Variants in UBR3 observed in about 807,000 individuals in gnomAD.
UBR3 encodes the protein E3 ubiquitin-protein ligase UBR3.
In UBR3, 85 loss-of-function variants were observed where a neutral mutation model predicts 243.2. That is an observed-to-expected ratio of 0.35 (90% CI 0.29 to 0.42). The LOEUF is 0.42. Ranked by LOEUF, UBR3 falls within the 10% of genes least tolerant of loss-of-function variation. UBR3 has a pLI of 1.00. For synonymous variants in UBR3, 748 were observed against 799.8 expected, an observed-to-expected ratio of 0.94 and a Z score of 1.09; for missense variants, 1,686 against 2,300.8, an observed-to-expected ratio of 0.73 and a Z score of 5.47.
intron 36 of UBR3, chr2:170,077,924 G>A (rs2091843794): frequency 3.8e-6 from 2 of 519,976 alleles, no homozygotes; most frequent in Non-Finnish European, 7.2e-6. Context: ...ATCTCCCTGG[G>A]CAAGTTACAT....
chr2:170,042,374 G>A (rs1033029821), intron 32 of UBR3, among the ~76,000 whole-genome samples: 9 of 152,028 alleles, frequency 5.9e-5, no homozygotes, highest in African/African-American at 1.9e-4. Context: ...TCAGTTGATG[G>A]ACATTTGGGT....
chr2:169,946,589 C>T lies in UBR3; in HGVS notation c.2910+197C>T, dbSNP rs370157107. Among the ~76,000 whole-genome samples, 35 of 151,962 alleles carry T rather than the reference C, an allele frequency of 2.3e-4. No individual in the cohort carries two copies. In the South Asian group the frequency reaches 7.3e-3, roughly 32 times the overall value. ...CTTTTAAAGAACTACTAGAAAAGGC[C>T]CTTTGGGATCTTCAAATACGTACAG... On this transcript the variant is annotated intron_variant, in intron 21 of 38. Coordinates refer to ENST00000272793, the MANE Select transcript of UBR3 (RefSeq NM_172070.4).
At chr2:170,078,210 T>C in intron 36 of UBR3, 1 of 501,836 alleles carries the variant, frequency 2.0e-6, no homozygotes. Flanking sequence ...GCCTCTCAAC[T>C]TTCCTTCTTT....
chr2:170,066,315 A>G (rs1421928716), intron 35 of UBR3, among the ~76,000 whole-genome samples: 2 of 152,220 alleles, frequency 1.3e-5, no homozygotes, highest in Non-Finnish European at 2.9e-5. Context: ...TAATGATAGT[A>G]ACCTATATAG....
Position 170,083,222 on chromosome 2 carries a change from GACATT to G in UBR3, c.*1383_*1387del, listed in dbSNP as rs1397252386. 1 of 152,386 alleles carries G rather than the reference GACATT, an allele frequency of 6.6e-6. No homozygotes were observed. The highest frequency in any genetic ancestry group is 2.4e-5 in the African/African-American group (1 of 41,384). 9.4% of individuals were successfully genotyped at this position (152,386 alleles called of 1,614,324 possible). Reference sequence around the variant, plus strand: ...TTCTAAAAAATTTTTGTAATGACATGACATTACAAGAGTATAAAAATGGACATTAA... The same window carrying G: ...TTCTAAAAAATTTTTGTAATGACATGACAAGAGTATAAAAATGGACATTAA... On this transcript the variant is annotated 3_prime_UTR_variant, in exon 39 of 39. Transcript: ENST00000272793.
At chr2:169,964,173 A>G (rs1482595846) in intron 24 of UBR3, among the ~76,000 whole-genome samples, 1 of 152,176 alleles carries the variant, frequency 6.6e-6, no homozygotes, top group Non-Finnish European at 1.5e-5. Flanking sequence ...AATTGTTTAC[A>G]GATTATTTTG....
At chr2:170,076,720 A>ATGAT (rs2091818222) in intron 36 of UBR3, among the ~76,000 whole-genome samples, 2 of 152,206 alleles carry the variant, frequency 1.3e-5, no homozygotes. Flanking sequence ...ACCTCAACGG[A>ATGAT]TGATTGGATT....
chr2:169,827,496 T>A lies in UBR3; in HGVS notation c.-12T>A. 1 of 1,227,270 alleles carries A rather than the reference T, an allele frequency of 8.1e-7. No homozygotes were observed. Among genetic ancestry groups the A allele is most frequent in the Non-Finnish European group, 1.0e-6 (1 of 985,644 alleles). 76.0% of individuals were successfully genotyped at this position (1,227,270 alleles called of 1,614,324 possible). On this transcript the variant is annotated 5_prime_UTR_variant, in exon 1 of 39. Coordinates refer to ENST00000272793, the MANE Select transcript of UBR3 (RefSeq NM_172070.4). ...CGCTGGCCCTGGACTCTCCAAATTC[T>A]GAGCTCTCATCATGGCGGCGGCGGC...
At chr2:169,940,182 A>C (rs2086525628) in intron 19 of UBR3, among the ~76,000 whole-genome samples, 1 of 152,090 alleles carries the variant, frequency 6.6e-6, no homozygotes, top group Admixed American at 6.5e-5. Context: ...TCTTCTAGCT[A>C]TTTTGAAATA....
At chr2:169,977,611 A>G (rs2088513993) in intron 24 of UBR3, among the ~76,000 whole-genome samples, 1 of 152,160 alleles carries the variant, frequency 6.6e-6, no homozygotes. Context: ...AGAGAGAGAG[A>G]GGAAACCAAG....
intron 1 of UBR3, among the ~76,000 whole-genome samples, chr2:169,859,185 C>T (rs999678665): frequency 6.7e-6 from 1 of 148,358 alleles, no homozygotes; most frequent in Admixed American, 6.8e-5. Context: ...CATTCTCCTG[C>T]TTCAGCCTCC....
intron 29 of UBR3, chr2:170,013,780 A>G (rs2090152961): frequency 6.4e-6 from 2 of 311,196 alleles, no homozygotes; most frequent in Middle Eastern, 4.7e-4. Context: ...CTCTCTTAAA[A>G]GTACTATCTA....
chr2:169,890,525 G>GGAGAGAGAGAGAGAGAGA (rs781214598), intron 5 of UBR3, among the ~76,000 whole-genome samples: 3 of 67,872 alleles, frequency 4.4e-5, no homozygotes, highest in African/African-American at 2.0e-4. Context: ...GGTTTTTCTA[G>GGAGAGAGAGAGAGAGAGA]GAGAGAGAGA....
At chr2:169,836,997 C>T (rs1033545914) in intron 1 of UBR3, among the ~76,000 whole-genome samples, 1 of 151,994 alleles carries the variant, frequency 6.6e-6, no homozygotes, top group Non-Finnish European at 1.5e-5. Flanking sequence ...TTTTCTTCTA[C>T]AGTTTGTATT....
intron 24 of UBR3, among the ~76,000 whole-genome samples, chr2:169,978,069 T>G (rs900807873): frequency 1.1e-4 from 17 of 152,170 alleles, no homozygotes; most frequent in Non-Finnish European, 2.4e-4. Flanking sequence ...TCTGGTGGTG[T>G]TCAACATCAG....
chr2:170,069,822 C>A (rs889322213), intron 35 of UBR3, among the ~76,000 whole-genome samples: 1 of 151,922 alleles, frequency 6.6e-6, no homozygotes, highest in Non-Finnish European at 1.5e-5. Context: ...TTTGTTCCCC[C>A]CCCAGATACT....
At chr2:169,900,145 C>T (rs1477372166) in intron 8 of UBR3, among the ~76,000 whole-genome samples, 1 of 152,206 alleles carries the variant, frequency 6.6e-6, no homozygotes, top group Admixed American at 6.5e-5. Context: ...TCTCCACATC[C>T]TCTCCAGCGT....
intron 23 of UBR3, among the ~76,000 whole-genome samples, chr2:169,957,418 TG>T (rs1201102995): frequency 2.0e-5 from 3 of 151,976 alleles, no homozygotes; most frequent in Non-Finnish European, 4.4e-5. Flanking sequence ...CGTAGGGACA[TG>T]GATGAAGCTG....
intron 35 of UBR3, among the ~76,000 whole-genome samples, chr2:170,063,568 G>T (rs1285487811): frequency 6.6e-6 from 1 of 152,042 alleles, no homozygotes; most frequent in East Asian, 1.9e-4. Context: ...AAAAATTCCA[G>T]AAAAAAACTA....
Sources: allele counts gnomAD v4.1 joint callset (sites outside exome capture counted in the v4.1 genomes callset), GRCh38; gene constraint gnomAD v4.1.1; transcripts MANE v1.5; gene names NCBI Gene and HGNC (gene_info 2026-07-23, HGNC 2026-07-21).